The following PRKAG2 variants were observed in gnomAD, a reference collection of about 807,000 sequenced individuals.
PRKAG2 encodes protein kinase AMP-activated non-catalytic subunit gamma 2.
A neutral mutation model predicts 69.6 loss-of-function variants in PRKAG2; 26 were observed. The ratio of observed to expected loss-of-function variants is 0.37; its 90% CI spans 0.27 to 0.52. The LOEUF (loss-of-function observed/expected upper bound fraction) is 0.52. Among genes scored for constraint, PRKAG2 ranks in the 20% least tolerant of loss-of-function variants. The pLI, the probability that PRKAG2 is intolerant of heterozygous loss-of-function variation, is 0.90. For missense variants in PRKAG2, 557 were observed against 740.0 expected, an observed-to-expected ratio of 0.75 and a Z score of 2.87; for synonymous variants, 293 against 285.0, an observed-to-expected ratio of 1.03 and a Z score of -0.28.
intron 3 of PRKAG2, among the ~76,000 whole-genome samples, chr7:151,751,980 T>A (rs2074724058): frequency 6.6e-6 from 1 of 151,954 alleles, no homozygotes; most frequent in African/African-American, 2.4e-5. Flanking sequence ...GGGTGAGGAA[T>A]GTACAAGATC....
intron 5 of PRKAG2, among the ~76,000 whole-genome samples, chr7:151,612,663 C>T (rs1288752023): frequency 2.0e-5 from 3 of 152,362 alleles, no homozygotes; most frequent in East Asian, 1.9e-4. Context: ...GTCTGACCAG[C>T]GTACCCACCT....
chr7:151,720,465 C>T (rs2151638017), intron 3 of PRKAG2, among the ~76,000 whole-genome samples: 1 of 151,840 alleles, frequency 6.6e-6, no homozygotes, highest in South Asian at 2.1e-4. Context: ...AGACTGTGTT[C>T]TTACTGCTAT....
intron 3 of PRKAG2, among the ~76,000 whole-genome samples, chr7:151,769,265 G>T (rs1337106424): frequency 6.6e-6 from 1 of 152,228 alleles, no homozygotes; most frequent in East Asian, 1.9e-4. Context: ...TGTAGACTGC[G>T]CTGGGTTAGA....
chr7:151,761,545 G>T (rs923312160), intron 3 of PRKAG2, among the ~76,000 whole-genome samples: 1 of 151,992 alleles, frequency 6.6e-6, no homozygotes, highest in Admixed American at 6.6e-5. Flanking sequence ...CCCTCTGAAG[G>T]CATCCCAACT....
chr7:151,810,186 C>A (rs1192901720), intron 1 of PRKAG2: 2 of 152,214 alleles, frequency 1.3e-5, no homozygotes, highest in Non-Finnish European at 2.9e-5. Context: ...AGAGCACCCC[C>A]AAATGCTCAC....
chr7:151,581,727 C>T (rs1810515173), intron 6 of PRKAG2, among the ~76,000 whole-genome samples: 1 of 152,136 alleles, frequency 6.6e-6, no homozygotes, highest in African/African-American at 2.4e-5. Context: ...CTACAGTGAG[C>T]CTCATCACAC....
chr7:151,663,473 C>T (rs1585590746), intron 4 of PRKAG2, among the ~76,000 whole-genome samples: 1 of 152,300 alleles, frequency 6.6e-6, no homozygotes, highest in African/African-American at 2.4e-5. Context: ...GATGATTCTC[C>T]CACCTCAGCC....
At chr7:151,695,941 T>A (rs1836553228) in intron 3 of PRKAG2, among the ~76,000 whole-genome samples, 1 of 152,112 alleles carries the variant, frequency 6.6e-6, no homozygotes, top group Admixed American at 6.5e-5. Context: ...CTGGTGTTCA[T>A]CCGGGCAGAG....
chr7:151,622,322 G>A (rs56397737), intron 5 of PRKAG2, among the ~76,000 whole-genome samples: 1,937 of 152,242 alleles, frequency 0.013, 35 homozygotes, highest in African/African-American at 0.045. Flanking sequence ...ACCTCTTTGG[G>A]GTTTTGCAAT....
At chr7:151,711,479 A>G (rs1795315058) in intron 3 of PRKAG2, among the ~76,000 whole-genome samples, 1 of 152,248 alleles carries the variant, frequency 6.6e-6, no homozygotes, top group Admixed American at 6.5e-5. Context: ...TAGGCTTAGT[A>G]GTAACAGTAA....
intron 4 of PRKAG2, among the ~76,000 whole-genome samples, chr7:151,673,229 T>C (rs865878403): frequency 4.0e-4 from 61 of 152,274 alleles, no homozygotes; most frequent in African/African-American, 1.5e-3. Context: ...TAAATCGTGG[T>C]TTTCTCGTCA....
At chr7:151,580,680 C>A (rs73727857) in intron 6 of PRKAG2, among the ~76,000 whole-genome samples, 5,076 of 151,808 alleles carry the variant, frequency 0.033, 285 homozygotes, top group African/African-American at 0.12. Context: ...GAAAGATCAA[C>A]AAAAGAATGT....
At chr7:151,710,062 T>C (rs1795034501) in intron 3 of PRKAG2, among the ~76,000 whole-genome samples, 1 of 152,118 alleles carries the variant, frequency 6.6e-6, no homozygotes, top group African/African-American at 2.4e-5. Flanking sequence ...GCCCAGTGAA[T>C]AGAAACTGCA....
At chr7:151,693,666 A>G (rs1299815576) in intron 3 of PRKAG2, among the ~76,000 whole-genome samples, 2 of 152,162 alleles carry the variant, frequency 1.3e-5, no homozygotes, top group Admixed American at 6.5e-5. Context: ...TTCTACCCGC[A>G]AGGTGATGGT....
In PRKAG2 at chr7:151,625,712, A is replaced by G. The variant is rs184825398; in HGVS notation, c.754+6357T>C. Among the ~76,000 whole-genome samples, 10 of 152,288 alleles carry G rather than the reference A, an allele frequency of 6.6e-5. No homozygotes were observed. The East Asian group carries it at 7.7e-4, about 12-fold the overall frequency. ...AGTCAAGCAGCTTTCCTGTTAAAAC[A>G]GCTGGGAGGATGCGGGCATTTATGG... On this transcript the variant is annotated intron_variant, in intron 5 of 15. Coordinates refer to ENST00000287878, the MANE Select transcript of PRKAG2 (RefSeq NM_016203.4).
intron 1 of PRKAG2, among the ~76,000 whole-genome samples, chr7:151,830,118 G>GTTT (rs112012814): frequency 2.0e-4 from 29 of 141,740 alleles, no homozygotes; most frequent in Middle Eastern, 3.7e-3. Flanking sequence ...GTTCCACCTG[G>GTTT]TTTTTTTTTT....
At chr7:151,832,874 G>A (rs933978006) in intron 1 of PRKAG2, among the ~76,000 whole-genome samples, 24 of 152,192 alleles carry the variant, frequency 1.6e-4, no homozygotes, top group East Asian at 1.2e-3. Flanking sequence ...GGGAGGCCCC[G>A]TGCCCTGACC....
At chr7:151,728,781 C>T (rs1020233559) in intron 3 of PRKAG2, among the ~76,000 whole-genome samples, 3 of 152,142 alleles carry the variant, frequency 2.0e-5, no homozygotes, top group Admixed American at 2.0e-4. Flanking sequence ...CCCTGATGAG[C>T]GCCCCTGGGA....
chr7:151,738,350 G>A (rs2073611770), intron 3 of PRKAG2, among the ~76,000 whole-genome samples: 1 of 152,196 alleles, frequency 6.6e-6, no homozygotes, highest in Admixed American at 6.5e-5. Context: ...TCCATCCACA[G>A]AAGCCAGAGA....
Sources: allele counts gnomAD v4.1 joint callset (sites outside exome capture counted in the v4.1 genomes callset), GRCh38; gene constraint gnomAD v4.1.1; transcripts MANE v1.5; gene names NCBI Gene and HGNC (gene_info 2026-07-23, HGNC 2026-07-21).